Variants in ZNF573 observed in about 807,000 individuals in gnomAD.
ZNF573 encodes zinc finger protein 573.
ZNF573 carries 41 observed loss-of-function variants against 57.4 expected under a neutral mutation model. The observed-to-expected ratio is 0.71, with a 90% CI of 0.56 to 0.93. The LOEUF (loss-of-function observed/expected upper bound fraction) is 0.93. Ranked by LOEUF, ZNF573 falls within the 40% of genes least tolerant of loss-of-function variation. The pLI, the probability that ZNF573 is intolerant of heterozygous loss-of-function variation, is 0.00. For missense variants in ZNF573, 730 were observed against 794.8 expected, an observed-to-expected ratio of 0.92 and a Z score of 0.98; for synonymous variants, 249 against 261.0, an observed-to-expected ratio of 0.95 and a Z score of 0.44.
At chr19:37,741,482 G>A (rs191256363) in intron 4 of ZNF573, among the ~76,000 whole-genome samples, 165 of 152,174 alleles carry the variant, frequency 1.1e-3, no homozygotes, top group East Asian at 4.4e-3. Context: ...CTTATCCACC[G>A]TGATCAAGTT....
rs1418314265 is a variant in ZNF573, at chr19:37,773,664, G to A, written c.66C>T (p.Thr22=). ...GAAACAGAATTAATCAACTTACACAGGTCATGGTTTTAGAATTGTAAGACC... is the reference window on the plus strand; with the variant it reads ...GAAACAGAATTAATCAACTTACACAAGTCATGGTTTTAGAATTGTAAGACC... The part of the protein sequence containing the change: ...LIRSYNSKTM[T]CFQELVTFRD... Residue 22 remains threonine (T), a synonymous_variant, in exon 2 of 5, where the codon ACC becomes ACT. Coordinates refer to ENST00000536220, the MANE Select transcript of ZNF573 (RefSeq NM_001172690.2). The A allele has an allele frequency of 6.5e-7, 1 of 1,534,944 alleles. No homozygotes were observed. Among genetic ancestry groups the A allele is most frequent in the Admixed American group, 2.0e-5 (1 of 50,982 alleles).
chr19:37,771,829 G>A (rs2045662120), intron 2 of ZNF573, 133 bp from the exon 3 acceptor site: 19 of 841,674 alleles, frequency 2.3e-5, no homozygotes, highest in Admixed American at 7.2e-5. Flanking sequence ...AAAGCAACGT[G>A]TCTACATATT....
chr19:37,748,825 G>T (rs2045406358), intron 4 of ZNF573, among the ~76,000 whole-genome samples: 1 of 151,742 alleles, frequency 6.6e-6, no homozygotes, highest in Admixed American at 6.6e-5. Flanking sequence ...TAACTCGGAG[G>T]CTGAGGCAGG....
chr19:37,749,308 C>G lies in ZNF573; in HGVS notation c.296-9114G>C, dbSNP rs115021494. On this transcript the variant is annotated intron_variant, in intron 4 of 4. Transcript: ENST00000536220. ...TACATTATACACATACACACACATACATATATACACAAATATATATTTTTA... is the reference window on the plus strand; with the variant it reads ...TACATTATACACATACACACACATAGATATATACACAAATATATATTTTTA... Among the ~76,000 whole-genome samples, 904 of 151,778 alleles carry G rather than the reference C, an allele frequency of 6.0e-3. 10 individuals carry two copies. The highest frequency in any genetic ancestry group is 0.021 in the African/African-American group (856 of 41,446).
At chr19:37,772,804 T>C (rs1472179178) in intron 2 of ZNF573, 1 of 208,574 alleles carries the variant, frequency 4.8e-6, no homozygotes. Flanking sequence ...CAGATGATTT[T>C]TGTACTTTTT....
intron 4 of ZNF573, among the ~76,000 whole-genome samples, chr19:37,755,798 T>C (rs1309018459): frequency 7.2e-6 from 1 of 138,818 alleles, no homozygotes; most frequent in African/African-American, 2.7e-5. Context: ...TTACTGTATT[T>C]AGAAAAATAT....
chr19:37,770,862 ATATAT>A (rs2045652205), intron 3 of ZNF573, among the ~76,000 whole-genome samples: 1 of 95,040 alleles, frequency 1.1e-5, no homozygotes, highest in Admixed American at 1.1e-4. Context: ...ATATATATAT[ATATAT>A]ATATATTCCC....
At chr19:37,751,147 G>A (rs1599689700) in intron 4 of ZNF573, among the ~76,000 whole-genome samples, 1 of 101,374 alleles carries the variant, frequency 9.9e-6, no homozygotes, top group Non-Finnish European at 2.0e-5. Flanking sequence ...TATATACTGT[G>A]TATATATACA....
intron 2 of ZNF573, among the ~76,000 whole-genome samples, chr19:37,772,166 C>T (rs2045664891): frequency 6.6e-6 from 1 of 152,112 alleles, no homozygotes; most frequent in Non-Finnish European, 1.5e-5. Context: ...GACGGGGTCT[C>T]ACTCCTGCCC....
intron 3 of ZNF573, 74 bp from the exon 4 acceptor site, chr19:37,770,171 A>G: frequency 8.4e-7 from 1 of 1,188,188 alleles, no homozygotes; most frequent in Non-Finnish European, 1.2e-6. Context: ...CTTTGATTAA[A>G]TTTACAATGA....
At chr19:37,762,270 T>C (rs1017373822) in intron 4 of ZNF573, among the ~76,000 whole-genome samples, 1 of 152,208 alleles carries the variant, frequency 6.6e-6, no homozygotes, top group Non-Finnish European at 1.5e-5. Flanking sequence ...TAAAGGATAT[T>C]AAATAGATTT....
chr19:37,777,234 G>T (rs905691079), intron 1 of ZNF573, among the ~76,000 whole-genome samples: 1 of 151,934 alleles, frequency 6.6e-6, no homozygotes, highest in African/African-American at 2.4e-5. Context: ...GGCTGGTCTC[G>T]AACTCCTGGC....
At chr19:37,747,650 G>T (rs1487205420) in intron 4 of ZNF573, among the ~76,000 whole-genome samples, 1 of 151,994 alleles carries the variant, frequency 6.6e-6, no homozygotes, top group Non-Finnish European at 1.5e-5. Context: ...TATCACCAGT[G>T]ATGTCATGTA....
At chr19:37,778,003 C>A (rs1216366366) in intron 1 of ZNF573, among the ~76,000 whole-genome samples, 2 of 122,272 alleles carry the variant, frequency 1.6e-5, no homozygotes, top group Non-Finnish European at 3.2e-5. Flanking sequence ...CCAGCCTGGG[C>A]GACAGAGCGA....
intron 4 of ZNF573, among the ~76,000 whole-genome samples, chr19:37,754,121 T>C (rs2045464634): frequency 1.3e-5 from 2 of 152,202 alleles, no homozygotes; most frequent in African/African-American, 2.4e-5. Flanking sequence ...AAAGAAGTAA[T>C]TCATGTAAAA....
In ZNF573 at chr19:37,738,415, A is replaced by G. The variant is rs991201458; in HGVS notation, c.*77T>C. 11 of 1,439,920 alleles carry G rather than the reference A, an allele frequency of 7.6e-6. No homozygotes were observed. Among genetic ancestry groups the G allele is most frequent in the Non-Finnish European group, 1.0e-5 (11 of 1,091,240 alleles). 89.2% of individuals were successfully genotyped at this position (1,439,920 alleles called of 1,614,324 possible). A position where few individuals can be genotyped will look rare whatever the true frequency, so the allele number is the denominator to read the frequency against. ...TCTCTCAATTGCTAAAGCCATACCTATAAGACTAACATTCCATCATTTCTC... is the reference window on the plus strand; with the variant it reads ...TCTCTCAATTGCTAAAGCCATACCTGTAAGACTAACATTCCATCATTTCTC... On this transcript the variant is annotated 3_prime_UTR_variant, in exon 5 of 5. Coordinates refer to ENST00000536220, the MANE Select transcript of ZNF573 (RefSeq NM_001172690.2).
At chr19:37,742,859 G>GA (rs762467281) in intron 4 of ZNF573, among the ~76,000 whole-genome samples, 2 of 152,142 alleles carry the variant, frequency 1.3e-5, no homozygotes, top group Non-Finnish European at 2.9e-5. Flanking sequence ...CTTCTGCACA[G>GA]GAAAAGAAAC....
intron 4 of ZNF573, among the ~76,000 whole-genome samples, chr19:37,745,536 T>A (rs2045373802): frequency 6.6e-6 from 1 of 152,000 alleles, no homozygotes; most frequent in Non-Finnish European, 1.5e-5. Flanking sequence ...GCTGGGATTA[T>A]AGGTGCTTGC....
intron 1 of ZNF573, among the ~76,000 whole-genome samples, chr19:37,775,286 G>A (rs2045697726): frequency 6.6e-6 from 1 of 152,012 alleles, no homozygotes; most frequent in East Asian, 1.9e-4. Flanking sequence ...CCAAAGTGTT[G>A]GGATTACAGG....
Sources: gnomAD v4.1 joint callset for allele counts (sites outside exome capture counted in the v4.1 genomes callset) on GRCh38, gnomAD v4.1.1 for gene constraint, MANE v1.5 for transcripts, NCBI Gene and HGNC (gene_info 2026-07-23, HGNC 2026-07-21) for gene names.